Variants in SGIP1 observed in about 807,000 individuals in gnomAD.
The protein encoded by SGIP1 is SH3-containing GRB2-like protein 3-interacting protein 1.
Under a neutral mutation model 107.5 loss-of-function variants are expected in SGIP1, and 38 were observed. The ratio of observed to expected loss-of-function variants is 0.35; its 90% confidence interval spans 0.27 to 0.46. SGIP1 has a LOEUF of 0.46. Among genes scored for constraint, SGIP1 ranks in the 20% least tolerant of loss-of-function variants. The probability of loss-of-function intolerance (pLI) is 1.00; values close to 1 mark genes in which losing one functional copy is unlikely to be tolerated. For synonymous variants in SGIP1, 365 were observed against 366.1 expected, an observed-to-expected ratio of 1.00 and a Z score of 0.03; for missense variants, 929 against 1,019.5, an observed-to-expected ratio of 0.91 and a Z score of 1.21.
At chr1:66,568,597 C>A (rs113988003) in intron 1 of SGIP1, among the ~76,000 whole-genome samples, 2,646 of 152,036 alleles carry the variant, frequency 0.017, 70 homozygotes, top group African/African-American at 0.061. Flanking sequence ...ATGCTTCCAG[C>A]TTTTGCCTAC....
chr1:66,623,870 T>C (rs1020140052), intron 1 of SGIP1, among the ~76,000 whole-genome samples: 1 of 152,202 alleles, frequency 6.6e-6, no homozygotes, highest in African/African-American at 2.4e-5. Flanking sequence ...TCAGTGCATT[T>C]TTTTCACTGG....
At chr1:66,603,501 A>G (rs961549703) in intron 1 of SGIP1, among the ~76,000 whole-genome samples, 2 of 152,162 alleles carry the variant, frequency 1.3e-5, no homozygotes, top group African/African-American at 4.8e-5. Context: ...AAGGACTAGA[A>G]TTAGAATATT....
chr1:66,658,631 G>A (rs2080260010), intron 7 of SGIP1, among the ~76,000 whole-genome samples: 1 of 152,176 alleles, frequency 6.6e-6, no homozygotes, highest in Non-Finnish European at 1.5e-5. Context: ...TCTATGTTTG[G>A]GGCTAGAGAG....
intron 1 of SGIP1, among the ~76,000 whole-genome samples, chr1:66,537,443 G>A (rs576045546): frequency 8.5e-5 from 13 of 152,084 alleles, no homozygotes; most frequent in East Asian, 1.9e-4. Context: ...TTTGAAAATG[G>A]CATTCTTTAG....
chr1:66,593,131 C>A (rs185643895), intron 1 of SGIP1, among the ~76,000 whole-genome samples: 7 of 151,958 alleles, frequency 4.6e-5, no homozygotes, highest in Admixed American at 3.3e-4. Flanking sequence ...TAGCTCATTT[C>A]TTTTTAGCAC....
chr1:66,639,657 G>T, intron 4 of SGIP1, 120 bp from the exon 5 acceptor site: 1 of 781,994 alleles, frequency 1.3e-6, no homozygotes. Flanking sequence ...GCTCTAATAT[G>T]TCTTTCCAGT....
Position 66,534,274 on chromosome 1 carries a change from G to A in SGIP1, c.-85G>A. 6 of 1,428,580 alleles carry A rather than the reference G, an allele frequency of 4.2e-6. No homozygotes were observed. The highest frequency in any genetic ancestry group is 5.9e-6 in the Non-Finnish European group (6 of 1,011,066). 88.5% of individuals were successfully genotyped at this position (1,428,580 alleles called of 1,614,324 possible). ...ACGGAATAGACCTCAGCAGCGGCGT[G>A]GTGAGGACTTAGCTGGGACCTGGAA... On this transcript the variant is annotated 5_prime_UTR_variant, in exon 1 of 25. Coordinates refer to ENST00000371037, the MANE Select transcript of SGIP1 (RefSeq NM_032291.4).
chr1:66,628,653 G>A (rs4655646), intron 2 of SGIP1: 106,332 of 153,212 alleles, frequency 0.69, 38,629 homozygotes, highest in East Asian at 1. Flanking sequence ...AAGCTTTCTC[G>A]AGAGAGAAAA....
At chr1:66,660,605 A>G (rs2081280955) in intron 8 of SGIP1, 81 bp downstream of exon 8, 2 of 1,249,214 alleles carry the variant, frequency 1.6e-6, no homozygotes, top group East Asian at 2.3e-5. Context: ...CTAATGACTG[A>G]CTGTGTTTAA....
chr1:66,660,207 GAAAGAAAGAGAA>G (rs1557505566), intron 7 of SGIP1: 6 of 176,452 alleles, frequency 3.4e-5, no homozygotes, highest in African/African-American at 4.1e-5. Flanking sequence ...AAGAAAGAAA[GAAAGAAAGAGAA>G]AGAAAGAAAG....
Position 66,681,972 on chromosome 1 carries a change from T to C in SGIP1, c.918T>C (p.Val306=). The change falls in exon 15 of 25, where the codon GTT becomes GTC. Residue 306 remains valine (V), a synonymous_variant. Coordinates refer to ENST00000371037, the MANE Select transcript of SGIP1 (RefSeq NM_032291.4). ...GPVLSPKSVA[V]NAEEKWVHFS... The stretch of plus-strand genomic sequence containing the variant: ...TATTGTCCCCCAAGTCTGTTGCTGT[T>C]AATGCTGAAGAAAAGTGGGTCCATT... 1 of 1,614,226 alleles carries C rather than the reference T, an allele frequency of 6.2e-7. No individual in the cohort carries two copies. Among genetic ancestry groups the C allele is most frequent in the Non-Finnish European group, 8.5e-7 (1 of 1,180,038 alleles).
At chr1:66,649,525 A>T (rs920564008) in intron 7 of SGIP1, among the ~76,000 whole-genome samples, 1 of 152,174 alleles carries the variant, frequency 6.6e-6, no homozygotes, top group Non-Finnish European at 1.5e-5. Context: ...ACTCTCCCTA[A>T]AGGAGGAGAT....
chr1:66,571,213 G>A (rs1243765454), intron 1 of SGIP1, among the ~76,000 whole-genome samples: 1 of 151,974 alleles, frequency 6.6e-6, no homozygotes, highest in Non-Finnish European at 1.5e-5. Flanking sequence ...ACAGACAAAT[G>A]GAGTATATGA....
At chr1:66,613,232 A>G (rs928192870) in intron 1 of SGIP1, among the ~76,000 whole-genome samples, 3 of 152,134 alleles carry the variant, frequency 2.0e-5, no homozygotes, top group East Asian at 1.9e-4. Context: ...GCTGATAGGG[A>G]AAAAAATCAG....
intron 1 of SGIP1, among the ~76,000 whole-genome samples, chr1:66,541,968 T>C (rs1461062588): frequency 7.2e-5 from 11 of 152,156 alleles, no homozygotes; most frequent in Non-Finnish European, 2.9e-5. Context: ...GTACATATTT[T>C]ATTCGTGCAA....
At chr1:66,676,648 A>G (rs979346742) in intron 12 of SGIP1, among the ~76,000 whole-genome samples, 1 of 152,224 alleles carries the variant, frequency 6.6e-6, no homozygotes, top group Admixed American at 6.5e-5. Flanking sequence ...ACAAATGTTC[A>G]TGGGGTTAAT....
intron 7 of SGIP1, among the ~76,000 whole-genome samples, chr1:66,646,504 G>C (rs147557409): frequency 6.6e-6 from 1 of 152,212 alleles, no homozygotes; most frequent in Admixed American, 6.5e-5. Context: ...AGATAAAGTC[G>C]TGCCTCACTT....
rs967718173 is a variant in SGIP1, at chr1:66,677,019, C to T, written c.662C>T (p.Pro221Leu). ...EQKTEVLLDQ[P>L]EIWGSGQPIN... ...TTGTTTCCAGTTCTTTTAGATCAGC[C>T]TGAGATATGGGGTTCAGGCCAACCA... The change falls in exon 13 of 25, where the codon CCT becomes CTT. Residue 221 changes from proline (P) to leucine (L), a missense_variant. Around this residue, in one of 2 missense-constraint regions of SGIP1, gnomAD observed 588 missense variants for 588.6 expected, o/e 1.00. Transcript: ENST00000371037. The T allele has an allele frequency of 6.2e-7, 1 of 1,612,666 alleles. No individual in the cohort carries two copies. Among genetic ancestry groups the T allele is most frequent in the Admixed American group, 1.7e-5 (1 of 59,702 alleles).
chr1:66,574,616 A>T (rs1318639096), intron 1 of SGIP1, among the ~76,000 whole-genome samples: 1 of 152,152 alleles, frequency 6.6e-6, no homozygotes, highest in African/African-American at 2.4e-5. Context: ...TACTCTCCTT[A>T]ATTCACTGCC....
Sources: gnomAD v4.1 joint callset for allele counts (sites outside exome capture counted in the v4.1 genomes callset) on GRCh38, gnomAD v4.1.1 for gene constraint, gnomAD v4.1.1 regional missense constraint, MANE v1.5 for transcripts, NCBI Gene and HGNC (gene_info 2026-07-23, HGNC 2026-07-21) for gene names.